FBXL17: variants seen among roughly 807,000 people sequenced by gnomAD.
FBXL17 encodes the protein F-box and leucine rich repeat protein 17.
Under a neutral mutation model 66.2 loss-of-function variants are expected in FBXL17, and 22 were observed. The ratio of observed to expected loss-of-function variants is 0.33; its 90% CI spans 0.24 to 0.47. The LOEUF (loss-of-function observed/expected upper bound fraction) is 0.47. Among genes scored for constraint, FBXL17 ranks in the 20% least tolerant of loss-of-function variants. The pLI is 1.00. For missense variants in FBXL17, 878 were observed against 948.2 expected (o/e 0.93, Z 0.97); for synonymous variants, 474 against 400.5 (o/e 1.18, Z -2.19).
At chr5:107,871,243 C>A (rs1225959963) in intron 8 of FBXL17, among the ~76,000 whole-genome samples, 1 of 152,074 alleles carries the variant, frequency 6.6e-6, no homozygotes, top group African/African-American at 2.4e-5. Context: ...TCACAACAGG[C>A]CTGGCTTCAT....
intron 7 of FBXL17, among the ~76,000 whole-genome samples, chr5:107,962,946 T>C (rs540148884): frequency 6.6e-6 from 1 of 152,278 alleles, no homozygotes; most frequent in South Asian, 2.1e-4. Context: ...TTAAAAGTTA[T>C]ATGAGTAATT....
rs368318998 is a variant in FBXL17 at position 107,894,606 on chromosome 5, T to C, written c.1823-13427A>G. Among the ~76,000 whole-genome samples, 22 of 152,234 alleles carry C rather than the reference T, an allele frequency of 1.4e-4. No homozygotes were observed. The East Asian group carries it at 2.5e-3, about 17-fold the overall frequency. Reference sequence around the variant, plus strand: ...TCTCAGTTGCAAATAATCTGAATCCTGCCTGCAATGACTTAAGAAGAAAAC... The same window carrying C: ...TCTCAGTTGCAAATAATCTGAATCCCGCCTGCAATGACTTAAGAAGAAAAC... On this transcript the variant is annotated intron_variant, in intron 7 of 8. Transcript: ENST00000542267.
intron 5 of FBXL17, among the ~76,000 whole-genome samples, chr5:108,200,409 C>G (rs948533275): frequency 3.9e-5 from 6 of 151,994 alleles, no homozygotes; most frequent in African/African-American, 1.4e-4. Flanking sequence ...TTAAAAGAAA[C>G]AAAGTCACTC....
At chr5:108,001,569 C>T (rs1378137962) in intron 7 of FBXL17, among the ~76,000 whole-genome samples, 4 of 151,836 alleles carry the variant, frequency 2.6e-5, no homozygotes, top group African/African-American at 9.7e-5. Flanking sequence ...GGTGCTATCT[C>T]GGCTCACTAC....
At chr5:107,921,506 CAT>C (rs1286604371) in intron 7 of FBXL17, among the ~76,000 whole-genome samples, 5 of 152,108 alleles carry the variant, frequency 3.3e-5, no homozygotes, top group Non-Finnish European at 7.4e-5. Context: ...AAGCACAGGG[CAT>C]AGATGGTGGC....
At chr5:107,888,137 CTTT>C (rs1749037033) in intron 7 of FBXL17, among the ~76,000 whole-genome samples, 7 of 151,984 alleles carry the variant, frequency 4.6e-5, no homozygotes, top group Admixed American at 3.3e-4. Flanking sequence ...CCAGATAGTT[CTTT>C]TTTTGCAATA....
chr5:108,282,374 A>G (rs1005446413), intron 4 of FBXL17, among the ~76,000 whole-genome samples: 1 of 151,980 alleles, frequency 6.6e-6, no homozygotes, highest in African/African-American at 2.4e-5. Context: ...TTGCAAATCA[A>G]TAAATGTGAT....
chr5:107,976,694 G>T (rs1752592502), intron 7 of FBXL17, among the ~76,000 whole-genome samples: 1 of 152,110 alleles, frequency 6.6e-6, no homozygotes, highest in Non-Finnish European at 1.5e-5. Context: ...ATGCTTTAAT[G>T]ACATTATTTT....
intron 7 of FBXL17, among the ~76,000 whole-genome samples, chr5:107,975,650 T>C (rs934110689): frequency 2.8e-4 from 42 of 152,142 alleles, no homozygotes; most frequent in African/African-American, 9.9e-4. Context: ...AATAGTGTGG[T>C]TTTCATTGTA....
chr5:108,269,448 G>A (rs1257073272), intron 4 of FBXL17, among the ~76,000 whole-genome samples: 1 of 151,974 alleles, frequency 6.6e-6, no homozygotes, highest in Non-Finnish European at 1.5e-5. Context: ...AGAACTTAGT[G>A]GGAAGAATAT....
intron 6 of FBXL17, among the ~76,000 whole-genome samples, chr5:108,072,172 T>C (rs1213307396): frequency 6.6e-6 from 1 of 152,186 alleles, no homozygotes; most frequent in African/African-American, 2.4e-5. Flanking sequence ...CTTATCTACA[T>C]GGAATTCAAC....
At chr5:107,983,533 T>TA (rs34725446) in intron 7 of FBXL17, among the ~76,000 whole-genome samples, 2,625 of 145,244 alleles carry the variant, frequency 0.018, 71 homozygotes, top group African/African-American at 0.061. Context: ...ATGAACTTCA[T>TA]AAAAAAAAAA....
intron 8 of FBXL17, among the ~76,000 whole-genome samples, chr5:107,865,172 A>G (rs923983984): frequency 1.3e-5 from 2 of 152,252 alleles, no homozygotes; most frequent in African/African-American, 4.8e-5. Flanking sequence ...TTTCTATGGT[A>G]CATCTTTTCC....
chr5:108,067,103 T>G (rs1580396196), intron 6 of FBXL17, among the ~76,000 whole-genome samples: 1 of 152,140 alleles, frequency 6.6e-6, no homozygotes, highest in East Asian at 1.9e-4. Context: ...TACTCTAGAA[T>G]GTAGTTTGCT....
intron 7 of FBXL17, among the ~76,000 whole-genome samples, chr5:107,961,024 G>A (rs1364318501): frequency 3.9e-5 from 6 of 152,128 alleles, no homozygotes. Flanking sequence ...CCTTGATAAA[G>A]TGAAGTCTAA....
rs76876749 is a variant in FBXL17 at position 108,041,840 on chromosome 5, T to A, written c.1746-20839A>T. On this transcript the variant is annotated intron_variant, in intron 6 of 8. Coordinates refer to ENST00000542267, the MANE Select transcript of FBXL17 (RefSeq NM_001163315.3). ...AAACACCATTATACCTACCACCTAG[T>A]GTCTACCGCTAACGTTTTACTATAC... is the stretch of plus-strand genomic sequence containing the variant. Among the ~76,000 whole-genome samples the A allele has an allele frequency of 7.2e-3, 1,104 of 152,334 alleles. 8 individuals are homozygous for A. Among genetic ancestry groups the A allele is most frequent in the African/African-American group, 0.023 (941 of 41,570 alleles).
At chr5:108,133,357 G>A (rs766996617) in intron 6 of FBXL17, among the ~76,000 whole-genome samples, 1 of 152,020 alleles carries the variant, frequency 6.6e-6, no homozygotes, top group Non-Finnish European at 1.5e-5. Flanking sequence ...TTAGTACACT[G>A]TATTTAAATA....
intron 6 of FBXL17, among the ~76,000 whole-genome samples, chr5:108,086,099 C>T (rs906299624): frequency 1.3e-5 from 2 of 152,168 alleles, no homozygotes; most frequent in African/African-American, 4.8e-5. Context: ...TTCCTCAATC[C>T]CAGACCGTAA....
chr5:108,297,335 C>A (rs970451808), intron 4 of FBXL17, among the ~76,000 whole-genome samples: 1 of 151,524 alleles, frequency 6.6e-6, no homozygotes, highest in African/African-American at 2.4e-5. Flanking sequence ...CTTATTGTGA[C>A]AAAATTATGT....
Sources: gnomAD v4.1 joint callset for allele counts (sites outside exome capture counted in the v4.1 genomes callset) on GRCh38, gnomAD v4.1.1 for gene constraint, MANE v1.5 for transcripts, NCBI Gene and HGNC (gene_info 2026-07-23, HGNC 2026-07-21) for gene names.